Variants in PLXDC2 observed in about 807,000 individuals in gnomAD.
The protein encoded by PLXDC2 is plexin domain containing 2, also known as plexin domain-containing protein 2.
In PLXDC2, 40 loss-of-function variants were observed where a neutral mutation model predicts 68.9. The ratio of observed to expected loss-of-function variants is 0.58; its 90% CI spans 0.45 to 0.76. The LOEUF is 0.76. Ranked by LOEUF, PLXDC2 falls within the 30% of genes least tolerant of loss-of-function variation. The pLI is 0.00. For missense variants in PLXDC2, 644 were observed against 661.9 expected (o/e 0.97, Z 0.30); for synonymous variants, 243 against 234.2 (o/e 1.04, Z -0.34).
chr10:19,887,228 C>G (rs960439801), intron 1 of PLXDC2, among the ~76,000 whole-genome samples: 3 of 152,196 alleles, frequency 2.0e-5, no homozygotes, highest in South Asian at 2.1e-4. Flanking sequence ...GTGACTGAAA[C>G]TTGGAAAATA....
At chr10:20,081,762 C>T (rs952116781) in intron 4 of PLXDC2, among the ~76,000 whole-genome samples, 11 of 151,420 alleles carry the variant, frequency 7.3e-5, no homozygotes, top group African/African-American at 1.9e-4. Context: ...GAAGTCTGGC[C>T]GGGCACAGTG....
At chr10:19,988,238 T>G (rs1834682584) in intron 1 of PLXDC2, among the ~76,000 whole-genome samples, 1 of 152,216 alleles carries the variant, frequency 6.6e-6, no homozygotes, top group African/African-American at 2.4e-5. Context: ...GGAAAATACC[T>G]GATATGTGTA....
intron 1 of PLXDC2, among the ~76,000 whole-genome samples, chr10:19,874,473 G>T (rs1302824691): frequency 6.6e-6 from 1 of 152,106 alleles, no homozygotes; most frequent in Non-Finnish European, 1.5e-5. Context: ...TCTCAATCTT[G>T]TTCGTTGTAA....
chr10:20,088,181 C>G (rs138060886), intron 4 of PLXDC2, among the ~76,000 whole-genome samples: 8 of 152,290 alleles, frequency 5.3e-5, no homozygotes, highest in African/African-American at 1.4e-4. Context: ...CTGCTTCTGA[C>G]AAGTGGTCCC....
chr10:20,150,783 A>G (rs559847569), intron 6 of PLXDC2, among the ~76,000 whole-genome samples: 42 of 152,142 alleles, frequency 2.8e-4, no homozygotes, highest in African/African-American at 8.9e-4. Flanking sequence ...ATCTTTCTTT[A>G]CGCTGTTCTC....
chr10:19,890,671 G>A (rs533316742), intron 1 of PLXDC2, among the ~76,000 whole-genome samples: 7 of 116,948 alleles, frequency 6.0e-5, no homozygotes, highest in African/African-American at 2.3e-4. Context: ...CACCGCGCCC[G>A]GCTGCTTTTT....
chr10:20,220,564 A>C (rs1835196027), intron 12 of PLXDC2, among the ~76,000 whole-genome samples: 1 of 152,086 alleles, frequency 6.6e-6, no homozygotes, highest in African/African-American at 2.4e-5. Flanking sequence ...TGCTAATAGG[A>C]AAAAACAAAC....
intron 1 of PLXDC2, among the ~76,000 whole-genome samples, chr10:19,899,091 G>T (rs1430107221): frequency 6.6e-6 from 1 of 152,174 alleles, no homozygotes; most frequent in Non-Finnish European, 1.5e-5. Flanking sequence ...TTGCGAAGGG[G>T]AAGGTAACCA....
intron 1 of PLXDC2, among the ~76,000 whole-genome samples, chr10:19,958,166 G>C (rs1030147238): frequency 6.6e-6 from 1 of 152,038 alleles, no homozygotes; most frequent in Non-Finnish European, 1.5e-5. Flanking sequence ...ACGTAGAGAA[G>C]AGCAGACGAG....
chr10:20,126,441 C>CAT lies in PLXDC2; in HGVS notation c.542-16854_542-16853insAT, dbSNP rs1291194596. On this transcript the variant is annotated intron_variant, in intron 4 of 13. Coordinates refer to ENST00000377252, the MANE Select transcript of PLXDC2 (RefSeq NM_032812.9). ...ACGTTATATATGTATATACAACACA[C>CAT]GTTATATATGTATATACAACACACG... 2.3e-5 allele frequency among the ~76,000 whole-genome samples: 3 copies of CAT among 127,792 alleles called. 1 individual carries two copies. The highest frequency in any genetic ancestry group is 5.0e-5 in the Non-Finnish European group (3 of 60,452). 83.8% of individuals were successfully genotyped at this position (127,792 alleles called of 152,430 possible).
intron 2 of PLXDC2, among the ~76,000 whole-genome samples, chr10:20,022,355 T>A (rs963721419): frequency 2.6e-5 from 4 of 152,108 alleles, no homozygotes; most frequent in African/African-American, 9.7e-5. Context: ...ATCCATGATT[T>A]TAAATATGAA....
chr10:20,286,482 C>A lies in PLXDC2; in HGVS notation c.*6663C>A, dbSNP rs1422455587. The A allele has an allele frequency of 6.6e-6, 1 of 152,062 alleles. No individual in the cohort carries two copies. Among genetic ancestry groups the A allele is most frequent in the Non-Finnish European group, 1.5e-5 (1 of 67,998 alleles). 9.4% of individuals were successfully genotyped at this position (152,062 alleles called of 1,614,324 possible). A position where few individuals can be genotyped will look rare whatever the true frequency, so the allele number is the denominator to read the frequency against. ...GAGAATTTTGATTTTTAACAGCAGT[C>A]TCTCTTTTTCTCAGCATTGCAAATA... is the stretch of plus-strand genomic sequence containing the variant. On this transcript the variant is annotated 3_prime_UTR_variant, in exon 14 of 14. Transcript: ENST00000377252.
intron 4 of PLXDC2, among the ~76,000 whole-genome samples, chr10:20,076,613 G>A (rs373499188): frequency 6.6e-6 from 1 of 151,994 alleles, no homozygotes; most frequent in Non-Finnish European, 1.5e-5. Context: ...GTCCTGTGCT[G>A]CCTTTTTAGT....
chr10:20,288,871 C>G lies in PLXDC2; in HGVS notation c.*9052C>G, dbSNP rs536777304. ...TAAAGGTGTGGAAGCTGGTGGGGAC[C>G]AAATGTTACCTGTGTTTTTGCTGTT... On this transcript the variant is annotated 3_prime_UTR_variant, in exon 14 of 14. Transcript: ENST00000377252. The G allele has an allele frequency of 4.6e-5, 7 of 151,940 alleles. No homozygotes were observed. The highest frequency in any genetic ancestry group is 8.8e-5 in the Non-Finnish European group (6 of 67,994). The allele number at this position is 151,940 out of a possible 1,614,324, so 9.4% of individuals were successfully genotyped here.
intron 3 of PLXDC2, among the ~76,000 whole-genome samples, chr10:20,066,039 G>A (rs541319266): frequency 6.6e-6 from 1 of 152,346 alleles, no homozygotes; most frequent in African/African-American, 2.4e-5. Context: ...AAGAGTATCA[G>A]TAGCGACTGG....
intron 1 of PLXDC2, among the ~76,000 whole-genome samples, chr10:19,883,354 G>C (rs1279561033): frequency 1.3e-5 from 2 of 152,270 alleles, no homozygotes; most frequent in East Asian, 3.9e-4. Context: ...TTAGCTATAA[G>C]GTAGCCTTGG....
chr10:20,028,104 T>C (rs905704172), intron 2 of PLXDC2, among the ~76,000 whole-genome samples: 2 of 152,212 alleles, frequency 1.3e-5, no homozygotes, highest in South Asian at 2.1e-4. Flanking sequence ...CATGGTCATG[T>C]AGAGTACAGT....
chr10:20,234,488 G>A (rs917867405), intron 12 of PLXDC2, among the ~76,000 whole-genome samples: 1 of 152,182 alleles, frequency 6.6e-6, no homozygotes, highest in Non-Finnish European at 1.5e-5. Context: ...TATTTTGCCA[G>A]TATTGGTGCA....
chr10:19,901,777 A>T (rs755594166), intron 1 of PLXDC2, among the ~76,000 whole-genome samples: 5 of 151,886 alleles, frequency 3.3e-5, no homozygotes, highest in Non-Finnish European at 5.9e-5. Context: ...GGGTTTTTCG[A>T]TGTTATCATC....
Sources: allele counts gnomAD v4.1 joint callset (sites outside exome capture counted in the v4.1 genomes callset), GRCh38; gene constraint gnomAD v4.1.1; transcripts MANE v1.5; gene names NCBI Gene and HGNC (gene_info 2026-07-23, HGNC 2026-07-21).